LTF: variants seen among roughly 807,000 people sequenced by gnomAD.
LTF encodes the protein epididymis luminal protein 110.
A neutral mutation model predicts 87.2 loss-of-function variants in LTF; 91 were observed. That is an observed-to-expected ratio of 1.04 (90% CI 0.88 to 1.24). LTF has a LOEUF of 1.24. LTF is among the 50% of genes most tolerant of loss of function. The probability of loss-of-function intolerance (pLI) is 0.00; values close to 1 mark genes in which losing one functional copy is unlikely to be tolerated. For missense variants in LTF, 901 were observed against 904.3 expected (o/e 1.00, Z 0.05); for synonymous variants, 378 against 356.1 (o/e 1.06, Z -0.69).
chr3:46,446,777 C>A (rs553522656), intron 10 of LTF, among the ~76,000 whole-genome samples: 1 of 152,304 alleles, frequency 6.6e-6, no homozygotes, highest in South Asian at 2.1e-4. Flanking sequence ...CAGTCTACAA[C>A]TACACACTTA....
At chr3:46,481,742 C>T (rs572746463) in intron 1 of LTF, among the ~76,000 whole-genome samples, 1 of 152,306 alleles carries the variant, frequency 6.6e-6, no homozygotes, top group African/African-American at 2.4e-5. Context: ...CAGAGCAAGA[C>T]TCCGTCAAAA....
chr3:46,436,496 C>T (rs907710665), intron 16 of LTF, among the ~76,000 whole-genome samples: 4 of 152,200 alleles, frequency 2.6e-5, no homozygotes, highest in African/African-American at 4.8e-5. Context: ...CTGATTGAAT[C>T]GACTGTCACA....
At chr3:46,459,884 C>T in intron 1 of LTF, 65 bp from the exon 2 acceptor site, 1 of 1,249,862 alleles carries the variant, frequency 8.0e-7, no homozygotes, top group Non-Finnish European at 1.1e-6. Context: ...ACCGCACCCT[C>T]TGATGGAGTT....
rs200127456 is a variant in LTF at position 46,445,316 on chromosome 3, C to T, written c.1478G>A (p.Gly493Asp). 2.5e-6 allele frequency: 4 copies of T among 1,613,318 alleles called. No homozygotes were observed. The highest frequency in any genetic ancestry group is 2.2e-5 in the East Asian group (1 of 44,808). Residue 493 changes from glycine (G) to aspartate (D), a missense_variant, in exon 12 of 17, where the codon GGC (glycine) becomes GAC (aspartate). Coordinates refer to ENST00000231751, the MANE Select transcript of LTF (RefSeq NM_002343.6). ...DRTAGWNIPMGLLFNQTGSCK... is the reference protein window; with the variant it reads ...DRTAGWNIPMDLLFNQTGSCK... ...GGAGCCCGTCTGGTTGAAGAGCAGG[C>T]CCATGGGGATATTCCAGCCTGCAGT...
chr3:46,448,922 C>T lies in LTF; in HGVS notation c.1153G>A (p.Glu385Lys), dbSNP rs201923778. 3.0e-5 allele frequency: 48 copies of T among 1,613,798 alleles called. No homozygotes were observed. Among genetic ancestry groups the T allele is most frequent in the East Asian group, 4.5e-5 (2 of 44,832 alleles). Residue 385 changes from glutamate (E) to lysine (K), a missense_variant, in exon 9 of 17, where the codon GAA (glutamate) becomes AAA (lysine). Physicochemically the swap from Glu to Lys is moderately conservative, Grantham distance 56 (BLOSUM62 1). Transcript: ENST00000231751. ...RKCNQWSGLSEGSVTCSSAST... is the reference protein window; with the variant it reads ...RKCNQWSGLSKGSVTCSSAST... ...GCCGAGGAGCAGGTCACGCTGCCTT[C>T]GCTCAAGCCACTCCACTGGTTACAC...
intron 16 of LTF, among the ~76,000 whole-genome samples, chr3:46,437,235 G>A (rs1702405192): frequency 6.6e-6 from 1 of 151,740 alleles, no homozygotes; most frequent in African/African-American, 2.4e-5. Context: ...TATTTCCCTG[G>A]TTAAGATGTG....
At chr3:46,457,984 C>T (rs1702981394) in intron 2 of LTF, among the ~76,000 whole-genome samples, 1 of 151,488 alleles carries the variant, frequency 6.6e-6, no homozygotes, top group Non-Finnish European at 1.5e-5. Context: ...TGGGGTTTCA[C>T]CATCTTAGCC....
chr3:46,483,065 C>A (rs562325027), intron 1 of LTF, among the ~76,000 whole-genome samples: 2 of 152,280 alleles, frequency 1.3e-5, no homozygotes, highest in South Asian at 4.1e-4. Flanking sequence ...ATGGGTGCCA[C>A]TGAATTTGGA....
upstream of LTF, among the ~76,000 whole-genome samples, chr3:46,467,032 T>C (rs1454677457): frequency 6.6e-6 from 1 of 151,982 alleles, no homozygotes; most frequent in African/African-American, 2.4e-5. Flanking sequence ...GAAGGCAGCA[T>C]GGGTAGGCAA....
intron 6 of LTF, among the ~76,000 whole-genome samples, chr3:46,451,841 C>T (rs191340440): frequency 6.6e-6 from 1 of 152,278 alleles, no homozygotes; most frequent in East Asian, 1.9e-4. Context: ...GTGATCCACC[C>T]GCCTCAGTCT....
rs534312605 is a variant in LTF at position 46,455,691 on chromosome 3, C to T, written c.499+105G>A. ...ACAAGCTGGCCAGCCTCACCCCCAC[C>T]TTGATTCATCCCACACTTTCACCTG... is the stretch of plus-strand genomic sequence containing the variant. On this transcript the variant is annotated intron_variant, in intron 4 of 16. Transcript: ENST00000231751. 1.4e-4 allele frequency: 189 copies of T among 1,367,682 alleles called. No individual in the cohort carries two copies. The African/African-American group carries it at 2.5e-3, about 18-fold the overall frequency. The allele number at this position is 1,367,682 out of a possible 1,614,324, so 84.7% of individuals were successfully genotyped here.
rs973121556 is a variant in LTF, at chr3:46,445,082, T to C, written c.1513+199A>G. 5.9e-5 allele frequency among the ~76,000 whole-genome samples: 9 copies of C among 152,152 alleles called. 1 individual carries two copies. The highest frequency in any genetic ancestry group is 4.6e-4 in the Admixed American group (7 of 15,280). On this transcript the variant is annotated intron_variant, in intron 12 of 16. Coordinates refer to ENST00000231751, the MANE Select transcript of LTF (RefSeq NM_002343.6). Reference sequence around the variant, plus strand: ...ATCTTGGGGTGGGGTGAATGGGGCATGGGAAGTGCTGTGCAGGGAAACCCC... The same window carrying C: ...ATCTTGGGGTGGGGTGAATGGGGCACGGGAAGTGCTGTGCAGGGAAACCCC...
chr3:46,437,209 TA>T (rs1303981247), intron 16 of LTF, among the ~76,000 whole-genome samples: 1 of 152,212 alleles, frequency 6.6e-6, no homozygotes, highest in Non-Finnish European at 1.5e-5. Context: ...TTTAAGGGAT[TA>T]AATTAATATC....
intron 2 of LTF, among the ~76,000 whole-genome samples, chr3:46,458,896 T>C (rs541067824): frequency 2.0e-5 from 3 of 152,330 alleles, no homozygotes; most frequent in Non-Finnish European, 2.9e-5. Context: ...TGTATGCAGG[T>C]AATAGTTGTA....
intron 13 of LTF, among the ~76,000 whole-genome samples, chr3:46,442,164 A>T (rs1056642217): frequency 6.6e-6 from 1 of 152,172 alleles, no homozygotes; most frequent in African/African-American, 2.4e-5. Context: ...TTACACAGTC[A>T]TAAGTACTGA....
At position 46,459,827 on chromosome 3, in the gene LTF, A is replaced by T. The variant is rs760468618; in HGVS notation, c.44-8T>A. On this transcript the variant is annotated splice_polypyrimidine_tract_variant and splice_region_variant and intron_variant, in intron 1 of 16. Coordinates refer to ENST00000231751, the MANE Select transcript of LTF (RefSeq NM_002343.6). Reference sequence around the variant, plus strand: ...GGCCAGCCAGACACAGTCCTGGGAGAGAGGGGCCAAGGAGTAAGGATTCAA... The same window carrying T: ...GGCCAGCCAGACACAGTCCTGGGAGTGAGGGGCCAAGGAGTAAGGATTCAA... 6.6e-7 allele frequency: 1 copy of T among 1,524,176 alleles called. No individual in the cohort carries two copies. The highest frequency in any genetic ancestry group is 8.8e-7 in the Non-Finnish European group (1 of 1,141,298). The allele number at this position is 1,524,176 out of a possible 1,614,324, so 94.4% of individuals were successfully genotyped here.
intron 1 of LTF, among the ~76,000 whole-genome samples, chr3:46,483,786 AT>A (rs1204490423): frequency 1.1e-4 from 16 of 152,308 alleles, no homozygotes; most frequent in Non-Finnish European, 2.2e-4. Flanking sequence ...AGGTGTCAGT[AT>A]AAAGTTTATT....
rs144111141 is a variant in LTF, at chr3:46,443,532, G to C, written c.1564C>G (p.Leu522Val). The C allele has an allele frequency of 1.9e-6, 3 of 1,614,190 alleles. No homozygotes were observed. Among genetic ancestry groups the C allele is most frequent in the Non-Finnish European group, 2.5e-6 (3 of 1,180,030 alleles). The change falls in exon 13 of 17, where the codon CTC becomes GTC. Residue 522 changes from leucine (L) to valine (V), a missense_variant. Physicochemically the swap from Leu to Val is conservative, Grantham distance 32 (BLOSUM62 1). Transcript: ENST00000231751. The part of the protein sequence containing the change: ...CAPGSDPRSN[L>V]CALCIGDEQG... Reference sequence around the variant, plus strand: ...TCGTCGCCAATACACAGAGCACAGAGATTAGATCTCGGGTCAGACCCAGGG... The same window carrying C: ...TCGTCGCCAATACACAGAGCACAGACATTAGATCTCGGGTCAGACCCAGGG...
intron 15 of LTF, 114 bp from the exon 16 acceptor site, chr3:46,438,243 G>C: frequency 1.2e-6 from 1 of 864,376 alleles, no homozygotes; most frequent in Non-Finnish European, 1.8e-6. Flanking sequence ...CCATGGGGCA[G>C]AAGGAGCTGA....
Sources: gnomAD v4.1 joint callset for allele counts (sites outside exome capture counted in the v4.1 genomes callset) on GRCh38, gnomAD v4.1.1 for gene constraint, MANE v1.5 for transcripts, NCBI Gene and HGNC (gene_info 2026-07-23, HGNC 2026-07-21) for gene names.